The following DNAJC9 variants were observed in gnomAD, a reference collection of about 807,000 sequenced individuals.
The protein encoded by DNAJC9 is DnaJ heat shock protein family (Hsp40) member C9, also known as dnaJ homolog subfamily C member 9.
A neutral mutation model predicts 32.4 loss-of-function variants in DNAJC9; 18 were observed. The observed-to-expected ratio is 0.56, with a 90% CI of 0.38 to 0.82. The LOEUF is 0.82. Ranked by LOEUF, DNAJC9 falls within the 40% of genes least tolerant of loss-of-function variation. The pLI, the probability that DNAJC9 is intolerant of heterozygous loss-of-function variation, is 0.00. For missense variants in DNAJC9, 310 were observed against 321.8 expected, an observed-to-expected ratio of 0.96 and a Z score of 0.28; for synonymous variants, 113 against 122.1, an observed-to-expected ratio of 0.93 and a Z score of 0.49.
chr10:73,234,532 G>A (rs536007998), downstream of DNAJC9: 8 of 340,386 alleles, frequency 2.4e-5, no homozygotes, highest in African/African-American at 1.0e-4. Flanking sequence ...GCAGAGAAGT[G>A]CAATACCAGA....
intron 2 of DNAJC9, chr10:73,233,198 G>T: frequency 2.2e-6 from 3 of 1,392,138 alleles, no homozygotes; most frequent in Non-Finnish European, 2.0e-6. Context: ...GGAAACCGTG[G>T]TAAAACTAAC....
chr10:73,232,569 A>G (rs897130558), intron 2 of DNAJC9, among the ~76,000 whole-genome samples: 8 of 152,238 alleles, frequency 5.3e-5, no homozygotes, highest in Non-Finnish European at 1.0e-4. Flanking sequence ...AGAATGCCTC[A>G]AACAGAGTAG....
downstream of DNAJC9, chr10:73,234,888 T>C (rs1410047241): frequency 6.4e-7 from 1 of 1,551,994 alleles, no homozygotes; most frequent in Non-Finnish European, 8.7e-7. Context: ...CTACCACCTA[T>C]TGGCACAGCT....
downstream of DNAJC9, among the ~76,000 whole-genome samples, chr10:73,240,520 G>T (rs1006649736): frequency 4.6e-5 from 7 of 152,088 alleles, no homozygotes; most frequent in Non-Finnish European, 4.4e-5. Context: ...AGACCATCCT[G>T]GCTAACATGG....
At chr10:73,240,441 G>GCA (rs1564720470), downstream of DNAJC9, among the ~76,000 whole-genome samples, 2 of 151,904 alleles carry the variant, frequency 1.3e-5, no homozygotes, top group Admixed American at 6.6e-5. Flanking sequence ...GGCTGGGCGT[G>GCA]GTGGCTCATG....
At chr10:73,235,025 G>A, downstream of DNAJC9, 1 of 1,502,354 alleles carries the variant, frequency 6.7e-7, no homozygotes, top group South Asian at 1.3e-5. Flanking sequence ...CCCTGATCTT[G>A]ATTTATACTG....
At position 73,243,353 on chromosome 10, in the gene DNAJC9, C is replaced by T. The variant is rs765226086; in HGVS notation, c.*47G>A. The T allele has an allele frequency of 9.3e-6, 15 of 1,606,164 alleles. No individual in the cohort carries two copies. Among genetic ancestry groups the T allele is most frequent in the East Asian group, 2.2e-5 (1 of 44,846 alleles). On this transcript the variant is annotated 3_prime_UTR_variant, in exon 5 of 5. Coordinates refer to ENST00000372950, the MANE Select transcript of DNAJC9 (RefSeq NM_015190.5). Reference sequence around the variant, plus strand: ...TCAAATCCTGCCTGCACCTTGCCTACGATGGCATCAATTTACACCTAAGGA... The same window carrying T: ...TCAAATCCTGCCTGCACCTTGCCTATGATGGCATCAATTTACACCTAAGGA...
Position 73,246,058 on chromosome 10 carries a change from G to A in DNAJC9, c.440C>T (p.Ser147Phe). 1 of 1,613,796 alleles carries A rather than the reference G, an allele frequency of 6.2e-7. No individual in the cohort carries two copies. Among genetic ancestry groups the A allele is most frequent in the East Asian group, 2.2e-5 (1 of 44,874 alleles). The change falls in exon 3 of 5, where the codon TCT becomes TTT. Residue 147 changes from serine to phenylalanine, a missense_variant. By Grantham distance (155) the Ser-to-Phe change is radical (BLOSUM62 -2). Transcript: ENST00000372950. ...FKGDMDQIME[S>F]VLCVQYTEEP... is the part of the protein sequence containing the mutation. Reference sequence around the variant, plus strand: ...CTCTGTGTACTGCACGCAAAGCACAGACTCCATGATCTGATCCATGTCACC... The same window carrying A: ...CTCTGTGTACTGCACGCAAAGCACAAACTCCATGATCTGATCCATGTCACC...
rs770448388 is a variant in DNAJC9, at chr10:73,247,053, C to A, written c.137G>T (p.Arg46Leu). Reference protein sequence around the residue: ...HKVSLQVHPDRVGEGDKEDAT... With the variant: ...HKVSLQVHPDLVGEGDKEDAT... The stretch of plus-strand genomic sequence containing the variant: ...GTCCTCCTTGTCGCCCTCACCCACC[C>A]GGTCCGGGTGTACCTGCAGGGACAC... The change falls in exon 1 of 5, where the codon CGG (arginine) becomes CTG (leucine). Residue 46 changes from arginine (R) to leucine (L), a missense_variant. Coordinates refer to ENST00000372950, the MANE Select transcript of DNAJC9 (RefSeq NM_015190.5). The A allele has an allele frequency of 8.9e-6, 14 of 1,572,362 alleles. No homozygotes were observed. The highest frequency in any genetic ancestry group is 1.2e-5 in the Non-Finnish European group (14 of 1,159,228).
chr10:73,234,914 A>G (rs1313377515), downstream of DNAJC9: 1 of 1,552,042 alleles, frequency 6.4e-7, no homozygotes, highest in Admixed American at 2.0e-5. Context: ...GGAACATGTG[A>G]GCACTGTGGG....
intron 3 of DNAJC9, 38 bp from the exon 4 acceptor site, chr10:73,243,967 G>A (rs2043980826): frequency 1.9e-6 from 3 of 1,551,518 alleles, no homozygotes; most frequent in African/African-American, 1.4e-5. Context: ...GGGCCACCAG[G>A]AAATGCTTAA....
chr10:73,246,892 T>TA (rs1479150138), intron 1 of DNAJC9, 64 bp from the exon 2 acceptor site: 37 of 1,607,776 alleles, frequency 2.3e-5, no homozygotes, highest in Non-Finnish European at 3.1e-5. Context: ...GCGCGAGAAA[T>TA]AAAGATCAGA....
downstream of DNAJC9, among the ~76,000 whole-genome samples, chr10:73,236,469 A>G (rs1428695750): frequency 7.0e-6 from 1 of 142,696 alleles, no homozygotes; most frequent in Non-Finnish European, 1.5e-5. Context: ...GGTGGAGTGT[A>G]ATGGCGCAAT....
chr10:73,238,670 A>AGG (rs1041022779), downstream of DNAJC9: 1 of 152,236 alleles, frequency 6.6e-6, no homozygotes, highest in African/African-American at 2.4e-5. Flanking sequence ...TCTAAAATAT[A>AGG]GGGGCTTCAC....
At chr10:73,235,201 T>A (rs150205970), downstream of DNAJC9, 13 of 1,551,682 alleles carry the variant, frequency 8.4e-6, no homozygotes, top group Non-Finnish European at 1.1e-5. Flanking sequence ...AGAAACCCCA[T>A]GGCGACTCTA....
chr10:73,246,657 C>G (rs2044013845), intron 2 of DNAJC9, 31 bp downstream of exon 2: 1 of 1,611,620 alleles, frequency 6.2e-7, no homozygotes, highest in Non-Finnish European at 8.5e-7. Context: ...ATGATGGTAA[C>G]AGTCACAAAG....
chr10:73,246,380 G>A (rs923308584), intron 2 of DNAJC9, among the ~76,000 whole-genome samples: 1 of 152,094 alleles, frequency 6.6e-6, no homozygotes, highest in Non-Finnish European at 1.5e-5. Context: ...TAGGGACCAG[G>A]GAAGGGAAAT....
At chr10:73,236,467 G>A (rs1264101395), downstream of DNAJC9, among the ~76,000 whole-genome samples, 1 of 148,812 alleles carries the variant, frequency 6.7e-6, no homozygotes, top group Non-Finnish European at 1.5e-5. Context: ...AGGGTGGAGT[G>A]TAATGGCGCA....
rs775465672 is a variant in DNAJC9 at position 73,233,048 on chromosome 10, G to A, written n.147+10795C>T. 83 of 1,551,510 alleles carry A rather than the reference G, an allele frequency of 5.3e-5. No individual in the cohort carries two copies. The highest frequency in any genetic ancestry group is 1.7e-4 in the Middle Eastern group (1 of 6,012). ...TAGTACATCATCTCTGTCATACACA[G>A]TGCAGTCCACCAGGAGACGCAATCC... On this transcript the variant is annotated intron_variant and non_coding_transcript_variant, in intron 2 of 2. Coordinates refer to the DNAJC9 transcript ENST00000469143.
Sources: allele counts gnomAD v4.1 joint callset (sites outside exome capture counted in the v4.1 genomes callset), GRCh38; gene constraint gnomAD v4.1.1; transcripts MANE v1.5; gene names NCBI Gene and HGNC (gene_info 2026-07-23, HGNC 2026-07-21).